The following ABHD17B variants were observed in gnomAD, a reference collection of about 807,000 sequenced individuals.
ABHD17B encodes the protein alpha/beta hydrolase domain-containing protein 17B.
ABHD17B carries 9 observed loss-of-function variants against 26.2 expected under a neutral mutation model. The observed-to-expected ratio is 0.34, with a 90% CI of 0.21 to 0.60. The LOEUF is 0.60. Among genes scored for constraint, ABHD17B ranks in the 20% least tolerant of loss-of-function variants. The pLI is 0.80. For synonymous variants in ABHD17B, 127 were observed against 122.3 expected, an observed-to-expected ratio of 1.04 and a Z score of -0.25; for missense variants, 224 against 352.1, an observed-to-expected ratio of 0.64 and a Z score of 2.91.
rs1826077195 is a variant in ABHD17B at position 71,870,398 on chromosome 9, T to C, written c.468-136A>G. 4.5e-6 allele frequency: 3 copies of C among 660,470 alleles called. No individual in the cohort carries two copies. In the Admixed American group the frequency reaches 1.1e-4, roughly 24 times the overall value. The allele number at this position is 660,470 out of a possible 1,614,324, so 40.9% of individuals were successfully genotyped here. ...TTTTTAAACTTAAGTTTCTTAGCTATTACTGTTAGTTTTAACATTACAATA... is the reference window on the plus strand; with the variant it reads ...TTTTTAAACTTAAGTTTCTTAGCTACTACTGTTAGTTTTAACATTACAATA... On this transcript the variant is annotated intron_variant, in intron 2 of 3. Transcript: ENST00000333421.
rs1487510187 is a variant in ABHD17B, at chr9:71,865,815, C to T, written c.*972G>A. On this transcript the variant is annotated 3_prime_UTR_variant, in exon 4 of 4. Transcript: ENST00000333421. Reference sequence around the variant, plus strand: ...GGCAGAGGTTGCAGTGAATCAAGATCGCGCCACTGCACTCCAGCCTCAGTG... The same window carrying T: ...GGCAGAGGTTGCAGTGAATCAAGATTGCGCCACTGCACTCCAGCCTCAGTG... The T allele has an allele frequency of 1.0e-5, 9 of 887,710 alleles. No homozygotes were observed. The highest frequency in any genetic ancestry group is 5.2e-5 in the South Asian group (1 of 19,276). 55.0% of individuals were successfully genotyped at this position (887,710 alleles called of 1,614,324 possible).
chr9:71,891,607 G>A (rs1348818295), intron 1 of ABHD17B, among the ~76,000 whole-genome samples: 1 of 152,120 alleles, frequency 6.6e-6, no homozygotes, highest in Non-Finnish European at 1.5e-5. Flanking sequence ...TTATATTTGT[G>A]TAAGCCTATT....
At chr9:71,875,374 C>T (rs1050183955) in intron 1 of ABHD17B, among the ~76,000 whole-genome samples, 5 of 151,942 alleles carry the variant, frequency 3.3e-5, no homozygotes, top group Admixed American at 2.0e-4. Flanking sequence ...TACAGGCATG[C>T]GCCACCACAC....
chr9:71,904,768 G>GTC (rs1441528662), intron 1 of ABHD17B, among the ~76,000 whole-genome samples: 1 of 152,144 alleles, frequency 6.6e-6, no homozygotes, highest in Non-Finnish European at 1.5e-5. Context: ...TGGAATGAAA[G>GTC]AGGTGTCAAA....
chr9:71,868,631 G>A (rs1001177982), intron 3 of ABHD17B, among the ~76,000 whole-genome samples: 4 of 152,122 alleles, frequency 2.6e-5, no homozygotes, highest in African/African-American at 4.8e-5. Flanking sequence ...GATGTTCAGC[G>A]GTAGAGGAAT....
chr9:71,862,500 A>C, downstream of ABHD17B: 1 of 1,490,442 alleles, frequency 6.7e-7, no homozygotes, highest in Non-Finnish European at 9.1e-7. Context: ...GATCATTGGT[A>C]TATTAATCCA....
In ABHD17B at chr9:71,896,681, A is replaced by AACACAC. The variant is rs147044015; in HGVS notation, c.-4+13947_-4+13952dup. On this transcript the variant is annotated intron_variant, in intron 1 of 3. Coordinates refer to ENST00000333421, the MANE Select transcript of ABHD17B (RefSeq NM_001025780.3). ...TATATACAGTTCTATCTTCTACCAA[A>AACACAC]ACACACACACACACACACACACATA... 5.5e-4 allele frequency among the ~76,000 whole-genome samples: 81 copies of AACACAC among 147,702 alleles called. 1 individual carries two copies. The highest frequency in any genetic ancestry group is 9.6e-4 in the African/African-American group (39 of 40,436).
chr9:71,885,460 C>CTCAA (rs1826579623), intron 1 of ABHD17B, among the ~76,000 whole-genome samples: 1 of 124,006 alleles, frequency 8.1e-6, no homozygotes. Context: ...ACTCTGTCTC[C>CTCAA]AAAAAAAAAA....
intron 1 of ABHD17B, among the ~76,000 whole-genome samples, chr9:71,906,302 G>C (rs973608668): frequency 2.0e-5 from 3 of 152,142 alleles, no homozygotes; most frequent in African/African-American, 7.2e-5. Context: ...CTTTTCTGAG[G>C]ATAGTTTGTT....
intron 1 of ABHD17B, among the ~76,000 whole-genome samples, chr9:71,905,874 G>C (rs1827266138): frequency 6.6e-6 from 1 of 151,874 alleles, no homozygotes; most frequent in Non-Finnish European, 1.5e-5. Flanking sequence ...TGAAATCCTT[G>C]TCTCTACAAA....
At chr9:71,863,551 G>A (rs777857485), downstream of ABHD17B, among the ~76,000 whole-genome samples, 9 of 152,136 alleles carry the variant, frequency 5.9e-5, no homozygotes, top group Non-Finnish European at 1.2e-4. Context: ...CTTACACACA[G>A]TACATCTAGT....
At chr9:71,902,978 T>A (rs527371090) in intron 1 of ABHD17B, among the ~76,000 whole-genome samples, 1 of 152,222 alleles carries the variant, frequency 6.6e-6, no homozygotes, top group African/African-American at 2.4e-5. Context: ...GAATGGAGAC[T>A]TGGCTGCACC....
intron 1 of ABHD17B, among the ~76,000 whole-genome samples, chr9:71,893,176 T>C (rs996754603): frequency 7.2e-5 from 11 of 152,214 alleles, no homozygotes; most frequent in African/African-American, 2.7e-4. Context: ...AATACTTCTG[T>C]GACCAGATGT....
At chr9:71,898,060 T>A (rs542970846) in intron 1 of ABHD17B, among the ~76,000 whole-genome samples, 39 of 152,266 alleles carry the variant, frequency 2.6e-4, no homozygotes, top group African/African-American at 8.7e-4. Flanking sequence ...ATGCCTAATA[T>A]AAGAAAATAA....
intron 1 of ABHD17B, among the ~76,000 whole-genome samples, chr9:71,879,545 C>T (rs1045076341): frequency 6.6e-6 from 1 of 151,980 alleles, no homozygotes; most frequent in African/African-American, 2.4e-5. Flanking sequence ...TACAATTATC[C>T]ATTACAAAAG....
intron 1 of ABHD17B, among the ~76,000 whole-genome samples, chr9:71,891,757 T>A (rs752637514): frequency 1.3e-5 from 2 of 152,172 alleles, no homozygotes; most frequent in African/African-American, 2.4e-5. Flanking sequence ...ACTCTCTCTC[T>A]CACACACACT....
downstream of ABHD17B, among the ~76,000 whole-genome samples, chr9:71,864,331 T>C (rs186123093): frequency 4.6e-3 from 677 of 146,072 alleles, 4 homozygotes; most frequent in African/African-American, 0.016. Flanking sequence ...GTGATTCTCC[T>C]GCCTCAGCCT....
intron 1 of ABHD17B, among the ~76,000 whole-genome samples, chr9:71,884,432 A>ACAGT (rs1471141852): frequency 6.6e-6 from 1 of 152,160 alleles, no homozygotes; most frequent in Admixed American, 6.5e-5. Flanking sequence ...GAAAATTAAC[A>ACAGT]CAGTCAGAAG....
intron 1 of ABHD17B, among the ~76,000 whole-genome samples, chr9:71,902,008 T>C (rs1194351575): frequency 6.6e-6 from 1 of 152,196 alleles, no homozygotes; most frequent in Admixed American, 6.5e-5. Context: ...GTCCGATTCA[T>C]TTATTTAATT....
Sources: gnomAD v4.1 joint callset for allele counts (sites outside exome capture counted in the v4.1 genomes callset) on GRCh38, gnomAD v4.1.1 for gene constraint, MANE v1.5 for transcripts, NCBI Gene and HGNC (gene_info 2026-07-23, HGNC 2026-07-21) for gene names.